STK3: variants seen among roughly 807,000 people sequenced by gnomAD.
STK3 encodes the protein serine/threonine kinase 3.
Under a neutral mutation model 58.0 loss-of-function variants are expected in STK3, and 41 were observed. The ratio of observed to expected loss-of-function variants is 0.71; its 90% CI spans 0.55 to 0.92. The LOEUF is 0.92. Ranked by LOEUF, STK3 falls within the 40% of genes least tolerant of loss-of-function variation. The pLI, the probability that STK3 is intolerant of heterozygous loss-of-function variation, is 0.00. For missense variants in STK3, 479 were observed against 602.7 expected, an observed-to-expected ratio of 0.79 and a Z score of 2.15; for synonymous variants, 170 against 191.0, an observed-to-expected ratio of 0.89 and a Z score of 0.91.
intron 6 of STK3, among the ~76,000 whole-genome samples, chr8:98,654,990 A>C (rs1035062017): frequency 7.9e-5 from 12 of 152,110 alleles, no homozygotes; most frequent in Non-Finnish European, 1.6e-4. Flanking sequence ...AGTACTTTAA[A>C]GTTCATATGG....
chr8:98,375,032 G>A (rs1470114070), intron 2 of STK3, among the ~76,000 whole-genome samples: 1 of 151,972 alleles, frequency 6.6e-6, no homozygotes, highest in Non-Finnish European at 1.5e-5. Context: ...TGGAGCCGAG[G>A]AGTTCAAAAA....
chr8:98,631,660 G>A (rs907272722), intron 6 of STK3, among the ~76,000 whole-genome samples: 7 of 151,584 alleles, frequency 4.6e-5, no homozygotes, highest in Middle Eastern at 3.4e-3. Context: ...TATAGTTTTC[G>A]TTTTTTTGTG....
chr8:98,786,873 C>A (rs7845271), intron 1 of STK3, among the ~76,000 whole-genome samples: 91,460 of 151,838 alleles, frequency 0.6, 27,877 homozygotes, highest in South Asian at 0.74. Context: ...ATATACTCAC[C>A]AGGCCGTCCA....
intron 6 of STK3, among the ~76,000 whole-genome samples, chr8:98,650,633 C>A (rs1174309183): frequency 6.6e-6 from 1 of 152,238 alleles, no homozygotes; most frequent in African/African-American, 2.4e-5. Flanking sequence ...GTCACTCCCA[C>A]CCTAATACTG....
chr8:98,808,201 A>G (rs1278625748), intron 1 of STK3, among the ~76,000 whole-genome samples: 1 of 152,238 alleles, frequency 6.6e-6, no homozygotes, highest in Non-Finnish European at 1.5e-5. Flanking sequence ...AATCTTCTCT[A>G]AGAAGTAGCA....
At chr8:98,650,517 C>T (rs963358172) in intron 6 of STK3, among the ~76,000 whole-genome samples, 4 of 152,180 alleles carry the variant, frequency 2.6e-5, no homozygotes, top group Admixed American at 6.5e-5. Flanking sequence ...GCACCATGCG[C>T]GAGCCAAAGC....
At chr8:98,883,454 T>C (rs1837871364), downstream of STK3, 4 of 543,798 alleles carry the variant, frequency 7.4e-6, no homozygotes, top group South Asian at 9.5e-5. Flanking sequence ...TAAATCACTC[T>C]CTTGGGCTAA....
chr8:98,526,090 T>C (rs1040138424), intron 10 of STK3, among the ~76,000 whole-genome samples: 1 of 151,908 alleles, frequency 6.6e-6, no homozygotes, highest in African/African-American at 2.4e-5. Context: ...AAATAACTCA[T>C]TTTGAGAATT....
chr8:98,914,237 G>A (rs1839256655), intron 1 of STK3, among the ~76,000 whole-genome samples: 1 of 152,032 alleles, frequency 6.6e-6, no homozygotes, highest in African/African-American at 2.4e-5. Flanking sequence ...GATCCCTTGA[G>A]GAGTTTGAGA....
chr8:98,461,254 T>G (rs1171696536), intron 10 of STK3, among the ~76,000 whole-genome samples: 1 of 152,212 alleles, frequency 6.6e-6, no homozygotes, highest in Non-Finnish European at 1.5e-5. Flanking sequence ...TTTGTCTTTT[T>G]TTTTTACTGA....
At chr8:98,505,569 G>A (rs912891356) in intron 10 of STK3, among the ~76,000 whole-genome samples, 3 of 152,128 alleles carry the variant, frequency 2.0e-5, no homozygotes, top group South Asian at 2.1e-4. Flanking sequence ...CCTACCGATG[G>A]GGTTTTGGTG....
chr8:98,797,162 C>T (rs1833232970), intron 1 of STK3, among the ~76,000 whole-genome samples: 1 of 152,206 alleles, frequency 6.6e-6, no homozygotes, highest in Non-Finnish European at 1.5e-5. Context: ...CTACACTCAT[C>T]GATTACCTTA....
intron 9 of STK3, among the ~76,000 whole-genome samples, chr8:98,537,407 C>T (rs925649500): frequency 1.3e-5 from 2 of 152,104 alleles, no homozygotes; most frequent in Admixed American, 6.6e-5. Context: ...ATATGAAACA[C>T]ATGCCACAAT....
chr8:98,600,677 G>A (rs903401952), intron 6 of STK3, among the ~76,000 whole-genome samples: 3 of 152,058 alleles, frequency 2.0e-5, no homozygotes, highest in African/African-American at 7.3e-5. Flanking sequence ...AAAAGTATTT[G>A]TAACAAAGAA....
At chr8:98,584,953 T>C (rs968481076) in intron 7 of STK3, among the ~76,000 whole-genome samples, 2 of 150,592 alleles carry the variant, frequency 1.3e-5, no homozygotes, top group Admixed American at 6.6e-5. Flanking sequence ...GTTGTTTTTT[T>C]CTTGTAAATT....
intron 1 of STK3, among the ~76,000 whole-genome samples, chr8:98,821,974 A>C (rs1834931124): frequency 6.6e-6 from 1 of 152,238 alleles, no homozygotes; most frequent in South Asian, 2.1e-4. Flanking sequence ...GTCAGTGACA[A>C]GGCCAGGCCT....
At chr8:98,371,098 A>T (rs1461252479), downstream of STK3, among the ~76,000 whole-genome samples, 2 of 152,138 alleles carry the variant, frequency 1.3e-5, no homozygotes, top group African/African-American at 4.8e-5. Context: ...AAAGAAACAA[A>T]ACTTACTACA....
chr8:98,383,439 T>C (rs1206481192), intron 1 of STK3, among the ~76,000 whole-genome samples: 1 of 152,178 alleles, frequency 6.6e-6, no homozygotes, highest in Non-Finnish European at 1.5e-5. Context: ...GAATAGCAGG[T>C]GCATGTCTGT....
At chr8:98,768,706 G>GTC in intron 2 of STK3, among the ~76,000 whole-genome samples, 1 of 152,240 alleles carries the variant, frequency 6.6e-6, no homozygotes, top group Non-Finnish European at 1.5e-5. Context: ...CGAAAGAGAA[G>GTC]CTGCAATCCC....
Sources: gnomAD v4.1 joint callset for allele counts (sites outside exome capture counted in the v4.1 genomes callset) on GRCh38, gnomAD v4.1.1 for gene constraint, MANE v1.5 for transcripts, NCBI Gene and HGNC (gene_info 2026-07-23, HGNC 2026-07-21) for gene names.